Variants in TECTA observed in about 807,000 individuals in gnomAD.
TECTA encodes the protein alpha-tectorin.
A neutral mutation model predicts 216.8 loss-of-function variants in TECTA; 128 were observed. The ratio of observed to expected loss-of-function variants is 0.59; its 90% CI spans 0.51 to 0.68. The LOEUF is 0.68. Among genes scored for constraint, TECTA ranks in the 30% least tolerant of loss-of-function variants. The pLI, the probability that TECTA is intolerant of heterozygous loss-of-function variation, is 0.00. For missense variants in TECTA, 2,551 were observed against 2,786.2 expected (o/e 0.92, Z 1.90); for synonymous variants, 1,089 against 1,117.1 (o/e 0.97, Z 0.50).
At chr11:121,150,402 G>A (rs1946878125) in intron 12 of TECTA, among the ~76,000 whole-genome samples, 1 of 152,134 alleles carries the variant, frequency 6.6e-6, no homozygotes, top group Non-Finnish European at 1.5e-5. Flanking sequence ...AAAAATACTA[G>A]AAGAAAACAA....
At chr11:121,171,197 A>G (rs185021399) in intron 20 of TECTA, among the ~76,000 whole-genome samples, 12 of 152,176 alleles carry the variant, frequency 7.9e-5, no homozygotes, top group Admixed American at 2.6e-4. Context: ...CCTTTCCCCA[A>G]TGTATGTTCT....
chr11:121,139,708 A>C (rs1411918065), intron 11 of TECTA, among the ~76,000 whole-genome samples: 2 of 151,388 alleles, frequency 1.3e-5, no homozygotes, highest in African/African-American at 4.9e-5. Flanking sequence ...AAAAATAATG[A>C]ATGAAATGAT....
intron 3 of TECTA, among the ~76,000 whole-genome samples, chr11:121,106,975 A>G (rs1946396403): frequency 6.6e-6 from 1 of 152,194 alleles, no homozygotes; most frequent in Non-Finnish European, 1.5e-5. Context: ...TGATGCCCAC[A>G]AAAGTTTGAG....
chr11:121,158,641 G>A (rs559701868), intron 14 of TECTA, among the ~76,000 whole-genome samples: 1 of 152,164 alleles, frequency 6.6e-6, no homozygotes, highest in South Asian at 2.1e-4. Flanking sequence ...CTTTCTATAA[G>A]CTAAGGGAAA....
At chr11:121,163,494 A>G (rs1477930369) in intron 16 of TECTA, among the ~76,000 whole-genome samples, 1 of 151,788 alleles carries the variant, frequency 6.6e-6, no homozygotes, top group East Asian at 1.9e-4. Flanking sequence ...GATATACCTA[A>G]TGCTAAATGA....
At chr11:121,156,265 C>CA (rs1467506938) in intron 13 of TECTA, among the ~76,000 whole-genome samples, 1 of 152,218 alleles carries the variant, frequency 6.6e-6, no homozygotes, top group African/African-American at 2.4e-5. Flanking sequence ...GCCTCTACCT[C>CA]ACAGGCTTAA....
intron 20 of TECTA, among the ~76,000 whole-genome samples, chr11:121,169,563 C>T (rs577868633): frequency 6.6e-6 from 1 of 152,270 alleles, no homozygotes; most frequent in South Asian, 2.1e-4. Flanking sequence ...TATAACAATT[C>T]ATTTTAACAG....
intron 20 of TECTA, among the ~76,000 whole-genome samples, chr11:121,171,948 T>C (rs1947116611): frequency 6.6e-6 from 1 of 152,168 alleles, no homozygotes; most frequent in Non-Finnish European, 1.5e-5. Flanking sequence ...TAGTACTATG[T>C]TAATAGGAAT....
intron 16 of TECTA, among the ~76,000 whole-genome samples, chr11:121,164,925 G>C (rs1481290556): frequency 1.3e-5 from 2 of 152,206 alleles, no homozygotes; most frequent in Non-Finnish European, 2.9e-5. Context: ...TGTAGTAGGT[G>C]CCTTAATCAT....
At chr11:121,107,860 A>G (rs1016813667) in intron 3 of TECTA, among the ~76,000 whole-genome samples, 1 of 152,238 alleles carries the variant, frequency 6.6e-6, no homozygotes, top group Non-Finnish European at 1.5e-5. Flanking sequence ...AGTCATTTAC[A>G]TAAACAGTGT....
intron 10 of TECTA, among the ~76,000 whole-genome samples, chr11:121,132,161 G>A (rs1239895964): frequency 6.6e-6 from 1 of 151,930 alleles, no homozygotes; most frequent in African/African-American, 2.4e-5. Flanking sequence ...TAATTCAATG[G>A]CTCCTGCATT....
At chr11:121,182,964 G>A (rs990437008) in intron 20 of TECTA, among the ~76,000 whole-genome samples, 1 of 152,186 alleles carries the variant, frequency 6.6e-6, no homozygotes, top group Admixed American at 6.5e-5. Context: ...CTGCTGCTGG[G>A]GAAGTGGCAG....
At position 121,176,533 on chromosome 11, in the gene TECTA, C is replaced by G. The variant is rs1169454008; in HGVS notation, c.5999+7608C>G. Among the ~76,000 whole-genome samples, 2 of 110,492 alleles carry G rather than the reference C, an allele frequency of 1.8e-5. 1 individual carries two copies. The highest frequency in any genetic ancestry group is 1.3e-4 in the African/African-American group (2 of 15,806). 72.5% of individuals were successfully genotyped at this position (110,492 alleles called of 152,430 possible). A position where few individuals can be genotyped will look rare whatever the true frequency, so the allele number is the denominator to read the frequency against. On this transcript the variant is annotated intron_variant, in intron 20 of 23. Transcript: ENST00000392793. ...TATCTTCTGGCTTGTAGAGTTTCTG[C>G]CAAGAGATCCGCTGTTAGTCTGATG...
At chr11:121,136,824 T>C (rs1175126658) in intron 10 of TECTA, among the ~76,000 whole-genome samples, 3 of 152,196 alleles carry the variant, frequency 2.0e-5, no homozygotes, top group East Asian at 3.8e-4. Flanking sequence ...ATTTAAATCA[T>C]TGAACTTCAG....
chr11:121,115,514 C>T (rs1946493406), intron 6 of TECTA, among the ~76,000 whole-genome samples: 1 of 152,160 alleles, frequency 6.6e-6, no homozygotes, highest in Non-Finnish European at 1.5e-5. Context: ...AAAGTGTTTC[C>T]AGACCTCTAA....
rs770756882 is a variant in TECTA, at chr11:121,118,702, G to A, written c.1187G>A (p.Ser396Asn). The change falls in exon 7 of 24, where the codon AGC (serine) becomes AAC (asparagine). Residue 396 changes from serine (S) to asparagine (N), a missense_variant. Physicochemically the swap from Ser to Asn is conservative, Grantham distance 46. Transcript: ENST00000392793. ...NGYKILIPKGSYGRVKVNDLV... is the reference protein window; with the variant it reads ...NGYKILIPKGNYGRVKVNDLV... The stretch of plus-strand genomic sequence containing the variant: ...TACAAGATTCTCATCCCCAAAGGAA[G>A]CTATGGAAGAGTCAAGGTGAGCCCC... 3 of 1,613,838 alleles carry A rather than the reference G, an allele frequency of 1.9e-6. No homozygotes were observed. The highest frequency in any genetic ancestry group is 1.7e-5 in the Admixed American group (1 of 60,024).
chr11:121,126,972 G>T (rs777788002), intron 8 of TECTA, among the ~76,000 whole-genome samples: 1 of 152,140 alleles, frequency 6.6e-6, no homozygotes, highest in Non-Finnish European at 1.5e-5. Context: ...TCTACATTTC[G>T]CTTTCTTTTC....
intron 23 of TECTA, 200 bp downstream of exon 23, chr11:121,190,080 A>G: frequency 1.7e-6 from 1 of 590,342 alleles, no homozygotes; most frequent in Non-Finnish European, 3.0e-6. Context: ...ACAACAAAAA[A>G]ACCTTGCTCT....
At chr11:121,117,807 C>T (rs1946514827) in intron 6 of TECTA, among the ~76,000 whole-genome samples, 1 of 152,224 alleles carries the variant, frequency 6.6e-6, no homozygotes, top group Non-Finnish European at 1.5e-5. Flanking sequence ...ATGCATCTGA[C>T]TCCTGATTAG....
Sources: allele counts gnomAD v4.1 joint callset (sites outside exome capture counted in the v4.1 genomes callset), GRCh38; gene constraint gnomAD v4.1.1; transcripts MANE v1.5; gene names NCBI Gene and HGNC (gene_info 2026-07-23, HGNC 2026-07-21).